Variants in ABTB2 observed in about 807,000 individuals in gnomAD.
ABTB2 encodes the protein ankyrin repeat and BTB/POZ domain-containing protein 2.
ABTB2 carries 56 observed loss-of-function variants against 104.1 expected under a neutral mutation model. The observed-to-expected ratio is 0.54, with a 90% CI of 0.43 to 0.67. The LOEUF (loss-of-function observed/expected upper bound fraction) is 0.67, where lower values mean the gene tolerates loss of function less well. ABTB2 is among the 30% of genes least tolerant of loss of function. The probability of loss-of-function intolerance (pLI) is 0.00; values close to 1 mark genes in which losing one functional copy is unlikely to be tolerated. For missense variants in ABTB2, 1,279 were observed against 1,407.7 expected, an observed-to-expected ratio of 0.91 and a Z score of 1.46; for synonymous variants, 606 against 608.2, an observed-to-expected ratio of 1.00 and a Z score of 0.05.
chr11:34,351,703 G>A (rs1855400349), intron 1 of ABTB2, among the ~76,000 whole-genome samples: 1 of 152,162 alleles, frequency 6.6e-6, no homozygotes. Context: ...TAGACACCAT[G>A]AGAGGTACAG....
At chr11:34,341,424 T>C (rs1855261176) in intron 1 of ABTB2, among the ~76,000 whole-genome samples, 1 of 152,136 alleles carries the variant, frequency 6.6e-6, no homozygotes, top group South Asian at 2.1e-4. Context: ...TTTAGACCTG[T>C]GAAAACCCAG....
At chr11:34,160,167 G>T in intron 12 of ABTB2, 81 bp downstream of exon 12, 1 of 1,392,542 alleles carries the variant, frequency 7.2e-7, no homozygotes, top group Non-Finnish European at 1.0e-6. Flanking sequence ...AATGGAGAAA[G>T]ATGACAAAGT....
intron 1 of ABTB2, among the ~76,000 whole-genome samples, chr11:34,326,028 G>C (rs1322719442): frequency 1.5e-5 from 2 of 133,880 alleles, no homozygotes; most frequent in African/African-American, 5.6e-5. Flanking sequence ...AGAAAAAGCT[G>C]GATAAATGTT....
At chr11:34,195,085 G>GGGGGGGGGGC (rs1565137675) in intron 3 of ABTB2, among the ~76,000 whole-genome samples, 1 of 77,598 alleles carries the variant, frequency 1.3e-5, no homozygotes, top group Non-Finnish European at 3.1e-5. Flanking sequence ...CGGGGGGGGG[G>GGGGGGGGGGC]AGTGGGGGCG....
rs1016936395 is a variant in ABTB2 at position 34,154,634 on chromosome 11, G to A, written c.2766+67C>T. ...GGAAGAGCCACCTTCCCTCTGAAGG[G>A]GGTGAATGGGAGACCGAGCCGCTGG... On this transcript the variant is annotated intron_variant, in intron 15 of 16. Coordinates refer to ENST00000435224, the MANE Select transcript of ABTB2 (RefSeq NM_145804.3). The surrounding 1 kb of genome is among the most constrained non-coding windows in gnomAD (Gnocchi z 4.9). The A allele has an allele frequency of 1.3e-6, 2 of 1,497,914 alleles. No individual in the cohort carries two copies. Among genetic ancestry groups the A allele is most frequent in the African/African-American group, 1.4e-5 (1 of 72,290 alleles). 92.8% of individuals were successfully genotyped at this position (1,497,914 alleles called of 1,614,324 possible).
At chr11:34,291,733 T>TG (rs1465996042) in intron 1 of ABTB2, among the ~76,000 whole-genome samples, 1 of 152,130 alleles carries the variant, frequency 6.6e-6, no homozygotes, top group African/African-American at 2.4e-5. Context: ...TGACCTCAAG[T>TG]GATCCACCCA....
chr11:34,255,146 T>C lies in ABTB2; in HGVS notation c.884-50456A>G, dbSNP rs570697950. 3.5e-4 allele frequency among the ~76,000 whole-genome samples: 53 copies of C among 152,258 alleles called. No homozygotes were observed. In the South Asian group the frequency reaches 3.7e-3, roughly 11 times the overall value. On this transcript the variant is annotated intron_variant, in intron 1 of 16. Coordinates refer to ENST00000435224, the MANE Select transcript of ABTB2 (RefSeq NM_145804.3). ...CCATTTACAGATGAGAAAACTGAAATTCAGAGATCTGGCTCAAGCTGAATC... is the reference window on the plus strand; with the variant it reads ...CCATTTACAGATGAGAAAACTGAAACTCAGAGATCTGGCTCAAGCTGAATC...
intron 1 of ABTB2, among the ~76,000 whole-genome samples, chr11:34,214,139 A>AACACAC (rs10529537): frequency 0.079 from 10,913 of 138,960 alleles, 440 homozygotes; most frequent in Middle Eastern, 0.13. Flanking sequence ...GCACATTCAA[A>AACACAC]ACACACACAC....
At chr11:34,262,544 A>G (rs971508781) in intron 1 of ABTB2, among the ~76,000 whole-genome samples, 2 of 152,140 alleles carry the variant, frequency 1.3e-5, no homozygotes, top group Non-Finnish European at 2.9e-5. Flanking sequence ...GTATCGTCCA[A>G]TTACACCTCC....
At chr11:34,319,709 C>G (rs1414300621) in intron 1 of ABTB2, among the ~76,000 whole-genome samples, 1 of 152,166 alleles carries the variant, frequency 6.6e-6, no homozygotes, top group Non-Finnish European at 1.5e-5. Flanking sequence ...CACTTTGGCA[C>G]CCAGGCTAGA....
At chr11:34,217,843 C>G (rs2746626) in intron 1 of ABTB2, among the ~76,000 whole-genome samples, 125,973 of 152,250 alleles carry the variant, frequency 0.83, 52,263 homozygotes, top group East Asian at 1. Context: ...CTATGAGTAA[C>G]TAAGGAACTG....
At chr11:34,185,392 C>T (rs1461431824) in intron 3 of ABTB2, among the ~76,000 whole-genome samples, 1 of 152,200 alleles carries the variant, frequency 6.6e-6, no homozygotes. Context: ...TGTGCATCCA[C>T]ATCACAAGGG....
chr11:34,296,375 G>C (rs910221155), intron 1 of ABTB2, among the ~76,000 whole-genome samples: 2 of 152,158 alleles, frequency 1.3e-5, no homozygotes, highest in African/African-American at 4.8e-5. Context: ...GATCCTACTA[G>C]AGTGTTAGGA....
intron 1 of ABTB2, among the ~76,000 whole-genome samples, chr11:34,243,351 G>C (rs2133064495): frequency 6.6e-6 from 1 of 152,170 alleles, no homozygotes; most frequent in African/African-American, 2.4e-5. Flanking sequence ...TAGCTCACTT[G>C]AACTCCGCCT....
chr11:34,157,840 T>C (rs890322569), intron 14 of ABTB2, among the ~76,000 whole-genome samples: 7 of 152,234 alleles, frequency 4.6e-5, no homozygotes, highest in African/African-American at 1.7e-4. Context: ...ACTGGTCCCC[T>C]GGAGGTGGCC....
At chr11:34,296,000 T>C (rs978316855) in intron 1 of ABTB2, among the ~76,000 whole-genome samples, 2 of 152,176 alleles carry the variant, frequency 1.3e-5, no homozygotes, top group Non-Finnish European at 2.9e-5. Flanking sequence ...GGCATGGTGA[T>C]GTGCACCTGT....
chr11:34,325,454 G>A (rs1855058607), intron 1 of ABTB2, among the ~76,000 whole-genome samples: 1 of 152,140 alleles, frequency 6.6e-6, no homozygotes, highest in Admixed American at 6.5e-5. Flanking sequence ...CCGTTCCCTA[G>A]TTTCCTCACT....
At chr11:34,227,322 C>T (rs1250833817) in intron 1 of ABTB2, among the ~76,000 whole-genome samples, 1 of 151,442 alleles carries the variant, frequency 6.6e-6, no homozygotes, top group Non-Finnish European at 1.5e-5. Context: ...CATTGGAAGT[C>T]ATCAGTCTCT....
rs1852652493 is a variant in ABTB2, at chr11:34,157,966, C to T, written c.2697+1330G>A. 2.0e-5 allele frequency among the ~76,000 whole-genome samples: 3 copies of T among 152,240 alleles called. No individual in the cohort carries two copies. The South Asian group carries it at 6.2e-4, about 31-fold the overall frequency. ...GCTATGTGACCTTGAGCAAGTTACTCAACCTCTCCATGCCTCTGACTCCTC... is the reference window on the plus strand; with the variant it reads ...GCTATGTGACCTTGAGCAAGTTACTTAACCTCTCCATGCCTCTGACTCCTC... On this transcript the variant is annotated intron_variant, in intron 14 of 16. Transcript: ENST00000435224.
Sources: allele counts gnomAD v4.1 joint callset (sites outside exome capture counted in the v4.1 genomes callset), GRCh38; gene constraint gnomAD v4.1.1; non-coding constraint Gnocchi (gnomAD v3.1); transcripts MANE v1.5; gene names NCBI Gene and HGNC (gene_info 2026-07-23, HGNC 2026-07-21).